The following ZNF547 variants were observed in gnomAD, a reference collection of about 807,000 sequenced individuals.
The protein encoded by ZNF547 is zinc finger protein 547.
ZNF547 carries 4 observed loss-of-function variants against 7.7 expected under a neutral mutation model. The ratio of observed to expected loss-of-function variants is 0.52; its 90% confidence interval spans 0.26 to 1.20. The LOEUF (loss-of-function observed/expected upper bound fraction) is 1.20. Ranked by LOEUF, ZNF547 falls within the 50% of genes most tolerant of loss-of-function variation. The probability of loss-of-function intolerance (pLI) is 0.14; values close to 1 mark genes in which losing one functional copy is unlikely to be tolerated. For synonymous variants in ZNF547, 166 were observed against 166.2 expected, an observed-to-expected ratio of 1.00 and a Z score of 0.01; for missense variants, 449 against 485.8, an observed-to-expected ratio of 0.92 and a Z score of 0.71.
chr19:57,378,791 A>T lies in ZNF547; in HGVS notation c.*606A>T, dbSNP rs1191365889. On this transcript the variant is annotated 3_prime_UTR_variant, in exon 4 of 4. Transcript: ENST00000282282. ...ACATTAACATTGTTGAGCAAAGAAT[A>T]TCCTGAACTCTTTATCTTGTAAAAT... 2.2e-6 allele frequency: 1 copy of T among 449,400 alleles called. No individual in the cohort carries two copies. Among genetic ancestry groups the T allele is most frequent in the Non-Finnish European group, 4.4e-6 (1 of 226,482 alleles). 27.8% of individuals were successfully genotyped at this position (449,400 alleles called of 1,614,324 possible).
intron 1 of ZNF547, chr19:57,364,547 C>T: frequency 2.1e-6 from 1 of 466,386 alleles, no homozygotes; most frequent in Non-Finnish European, 3.9e-6. Context: ...TCAAGACCAG[C>T]CTGACCAACA....
intron 1 of ZNF547, chr19:57,364,445 C>T: frequency 9.4e-5 from 18 of 190,950 alleles, no homozygotes; most frequent in Non-Finnish European, 1.4e-4. Flanking sequence ...GTAGATTCTT[C>T]AAAAGAATAG....
intron 2 of ZNF547, among the ~76,000 whole-genome samples, chr19:57,369,973 A>G (rs896542839): frequency 8.0e-6 from 1 of 125,696 alleles, no homozygotes; most frequent in African/African-American, 3.0e-5. Flanking sequence ...GCTCACTGCA[A>G]TCTCTCCCTG....
At position 57,378,307 on chromosome 19, in the gene ZNF547, C is replaced by T. The variant is rs2088552593; in HGVS notation, c.*122C>T. 3 of 857,658 alleles carry T rather than the reference C, an allele frequency of 3.5e-6. No individual in the cohort carries two copies. Among genetic ancestry groups the T allele is most frequent in the Admixed American group, 2.1e-5 (1 of 47,258 alleles). 53.1% of individuals were successfully genotyped at this position (857,658 alleles called of 1,614,324 possible). A position where few individuals can be genotyped will look rare whatever the true frequency, so the allele number is the denominator to read the frequency against. On this transcript the variant is annotated 3_prime_UTR_variant, in exon 4 of 4. Coordinates refer to ENST00000282282, the MANE Select transcript of ZNF547 (RefSeq NM_173631.4). ...GTGAACGTGGGTAATTATGTAGGTA[C>T]AGCTCTCCAGTCGCTATGTATCAGA...
In ZNF547 at chr19:57,378,721, A is replaced by G. The variant is rs1440520512; in HGVS notation, c.*536A>G. 1 of 412,172 alleles carries G rather than the reference A, an allele frequency of 2.4e-6. No homozygotes were observed. Among genetic ancestry groups the G allele is most frequent in the African/African-American group, 2.1e-5 (1 of 47,876 alleles). The allele number at this position is 412,172 out of a possible 1,614,324, so 25.5% of individuals were successfully genotyped here. A position where few individuals can be genotyped will look rare whatever the true frequency, so the allele number is the denominator to read the frequency against. On this transcript the variant is annotated 3_prime_UTR_variant, in exon 4 of 4. Coordinates refer to ENST00000282282, the MANE Select transcript of ZNF547 (RefSeq NM_173631.4). Reference sequence around the variant, plus strand: ...AATGGTGAAGTACATGCCACATAAAATTTGCCATCTTAACTATTGTAATGT... The same window carrying G: ...AATGGTGAAGTACATGCCACATAAAGTTTGCCATCTTAACTATTGTAATGT...
chr19:57,378,501 C>CCA lies in ZNF547; in HGVS notation c.*320_*321dup, dbSNP rs2088554113. 3 of 500,264 alleles carry CCA rather than the reference C, an allele frequency of 6.0e-6. No individual in the cohort carries two copies. The Admixed American group carries it at 7.6e-5, about 13-fold the overall frequency. 31.0% of individuals were successfully genotyped at this position (500,264 alleles called of 1,614,324 possible). On this transcript the variant is annotated 3_prime_UTR_variant, in exon 4 of 4. Coordinates refer to ENST00000282282, the MANE Select transcript of ZNF547 (RefSeq NM_173631.4). Reference sequence around the variant, plus strand: ...TTGTACTTATTGGGCTTCAGAATATCCACACTAGTGAAAGTCTTCTGAGTA... The same window carrying CCA: ...TTGTACTTATTGGGCTTCAGAATATCCACACACTAGTGAAAGTCTTCTGAGTA...
chr19:57,374,565 A>C (rs982242393), intron 3 of ZNF547, among the ~76,000 whole-genome samples: 1 of 152,252 alleles, frequency 6.6e-6, no homozygotes, highest in African/African-American at 2.4e-5. Flanking sequence ...TTCTCCCCAG[A>C]AAACGGGTTT....
At chr19:57,370,635 AG>A (rs1568525435) in intron 2 of ZNF547, among the ~76,000 whole-genome samples, 1 of 152,176 alleles carries the variant, frequency 6.6e-6, no homozygotes, top group Non-Finnish European at 1.5e-5. Context: ...TGGTAGCTCA[AG>A]GGAGGAGGAT....
intron 3 of ZNF547, among the ~76,000 whole-genome samples, chr19:57,373,432 C>G (rs58677835): frequency 6.8e-6 from 1 of 146,990 alleles, no homozygotes; most frequent in Non-Finnish European, 1.5e-5. Context: ...TATTCCACCC[C>G]GGCCCCCCCC....
chr19:57,368,297 G>A, intron 1 of ZNF547: 1 of 487,480 alleles, frequency 2.1e-6, no homozygotes, highest in East Asian at 3.3e-5. Flanking sequence ...ACCGGTAAGA[G>A]TCCTATGAGG....
At chr19:57,376,578 A>G (rs2088537502) in intron 3 of ZNF547, among the ~76,000 whole-genome samples, 1 of 152,154 alleles carries the variant, frequency 6.6e-6, no homozygotes, top group Non-Finnish European at 1.5e-5. Flanking sequence ...ACTTCTCTGT[A>G]ACCAAGATCT....
At chr19:57,369,758 A>G (rs2088492354) in intron 2 of ZNF547, among the ~76,000 whole-genome samples, 1 of 152,002 alleles carries the variant, frequency 6.6e-6, no homozygotes, top group African/African-American at 2.4e-5. Context: ...GGAGGGTAAT[A>G]GGGTGAGGTC....
At chr19:57,367,483 C>G (rs2088478208) in intron 1 of ZNF547, among the ~76,000 whole-genome samples, 1 of 135,900 alleles carries the variant, frequency 7.4e-6, no homozygotes, top group Non-Finnish European at 1.6e-5. Flanking sequence ...TCCTGAGGAT[C>G]CAATTTGGTA....
intron 1 of ZNF547, 85 bp from the exon 2 acceptor site, chr19:57,368,459 G>A: frequency 7.5e-7 from 1 of 1,333,364 alleles, no homozygotes; most frequent in Non-Finnish European, 1.1e-6. Flanking sequence ...TTGCTTTAGG[G>A]TAAGGAAGAA....
At position 57,378,280 on chromosome 19, in the gene ZNF547, C is replaced by A; in HGVS notation, c.*95C>A. On this transcript the variant is annotated 3_prime_UTR_variant, in exon 4 of 4. Coordinates refer to ENST00000282282, the MANE Select transcript of ZNF547 (RefSeq NM_173631.4). The stretch of plus-strand genomic sequence containing the variant: ...GTACACACTGGAGAAAGACTGAATG[C>A]CGTGAACGTGGGTAATTATGTAGGT... The A allele has an allele frequency of 1.7e-6, 2 of 1,153,378 alleles. No individual in the cohort carries two copies. Among genetic ancestry groups the A allele is most frequent in the Non-Finnish European group, 2.5e-6 (2 of 802,978 alleles). 71.4% of individuals were successfully genotyped at this position (1,153,378 alleles called of 1,614,324 possible). A position where few individuals can be genotyped will look rare whatever the true frequency, so the allele number is the denominator to read the frequency against.
intron 1 of ZNF547, among the ~76,000 whole-genome samples, chr19:57,366,225 T>A (rs1456355368): frequency 6.6e-6 from 1 of 150,490 alleles, no homozygotes; most frequent in African/African-American, 2.4e-5. Flanking sequence ...TATGTTTTTG[T>A]TTTTTTGTTT....
intron 1 of ZNF547, among the ~76,000 whole-genome samples, chr19:57,365,967 C>T (rs562735554): frequency 2.0e-5 from 3 of 150,834 alleles, no homozygotes; most frequent in African/African-American, 7.3e-5. Context: ...CGGGTTCAAG[C>T]AATTCTCCTT....
At chr19:57,368,950 G>A (rs1353973567) in intron 2 of ZNF547, among the ~76,000 whole-genome samples, 1 of 152,132 alleles carries the variant, frequency 6.6e-6, no homozygotes, top group Non-Finnish European at 1.5e-5. Flanking sequence ...TATCGGATAG[G>A]AATAGGGAGC....
At chr19:57,367,426 G>GAAAAA (rs750776299) in intron 1 of ZNF547, among the ~76,000 whole-genome samples, 11 of 65,508 alleles carry the variant, frequency 1.7e-4, no homozygotes, top group Non-Finnish European at 2.2e-4. Context: ...GTTTGTTCAA[G>GAAAAA]AAAAAAAAAA....
Sources: allele counts gnomAD v4.1 joint callset (sites outside exome capture counted in the v4.1 genomes callset), GRCh38; gene constraint gnomAD v4.1.1; transcripts MANE v1.5; gene names NCBI Gene and HGNC (gene_info 2026-07-23, HGNC 2026-07-21).